Variants in HIPK2 observed in about 807,000 individuals in gnomAD.
HIPK2 encodes homeodomain interacting protein kinase 2, also known as homeodomain-interacting protein kinase 2.
In HIPK2, 27 loss-of-function variants were observed where a neutral mutation model predicts 113.7. The ratio of observed to expected loss-of-function variants is 0.24; its 90% confidence interval spans 0.17 to 0.33. HIPK2 has a LOEUF of 0.33. HIPK2 is among the 10% of genes least tolerant of loss of function. The pLI, the probability that HIPK2 is intolerant of heterozygous loss-of-function variation, is 1.00. For synonymous variants in HIPK2, 631 were observed against 642.2 expected, an observed-to-expected ratio of 0.98 and a Z score of 0.26; for missense variants, 1,257 against 1,588.0, an observed-to-expected ratio of 0.79 and a Z score of 3.54.
intron 1 of HIPK2, among the ~76,000 whole-genome samples, chr7:139,771,438 A>G (rs528273408): frequency 6.6e-6 from 1 of 152,168 alleles, no homozygotes; most frequent in African/African-American, 2.4e-5. Context: ...AGATACAAGT[A>G]CAAGAAAAAT....
chr7:139,579,325 T>G (rs1230400553), intron 13 of HIPK2, among the ~76,000 whole-genome samples: 1 of 152,212 alleles, frequency 6.6e-6, no homozygotes, highest in Non-Finnish European at 1.5e-5. Context: ...GGAGCATTCA[T>G]TTTGGGGCCT....
chr7:139,702,948 T>A (rs1272977799), intron 2 of HIPK2, among the ~76,000 whole-genome samples: 2 of 152,168 alleles, frequency 1.3e-5, no homozygotes, highest in Admixed American at 6.5e-5. Flanking sequence ...GCTTCCTCCA[T>A]CAGCAGCTGT....
intron 6 of HIPK2, 161 bp downstream of exon 6, chr7:139,626,440 T>C (rs1357160958): frequency 4.2e-6 from 1 of 240,580 alleles, no homozygotes; most frequent in South Asian, 1.5e-4. Flanking sequence ...GAATGCAGCC[T>C]CACTCATCTG....
chr7:139,574,353 G>A (rs1194558076), intron 14 of HIPK2, among the ~76,000 whole-genome samples: 2 of 152,162 alleles, frequency 1.3e-5, no homozygotes, highest in African/African-American at 4.8e-5. Flanking sequence ...TTGAGCCTGG[G>A]TGACAGAACA....
At chr7:139,586,920 C>A (rs1798850599) in intron 12 of HIPK2, among the ~76,000 whole-genome samples, 1 of 151,774 alleles carries the variant, frequency 6.6e-6, no homozygotes, top group Non-Finnish European at 1.5e-5. Flanking sequence ...TTAGAGGTTA[C>A]CAGAGGTTGG....
intron 12 of HIPK2, among the ~76,000 whole-genome samples, chr7:139,586,151 TG>T (rs1798826061): frequency 6.6e-6 from 1 of 152,236 alleles, no homozygotes; most frequent in South Asian, 2.1e-4. Flanking sequence ...ATGAATTGGT[TG>T]CATATATTTA....
At chr7:139,580,807 T>C (rs1798643417) in intron 13 of HIPK2, among the ~76,000 whole-genome samples, 2 of 152,250 alleles carry the variant, frequency 1.3e-5, no homozygotes, top group African/African-American at 2.4e-5. Context: ...AAGTGTAGAA[T>C]GCTTAGTATC....
At chr7:139,593,154 T>C (rs1160029612) in intron 12 of HIPK2, among the ~76,000 whole-genome samples, 1 of 152,256 alleles carries the variant, frequency 6.6e-6, no homozygotes, top group Non-Finnish European at 1.5e-5. Flanking sequence ...TTGCCAGTTA[T>C]TAAGTTTGAC....
intron 10 of HIPK2, among the ~76,000 whole-genome samples, chr7:139,601,875 T>C (rs949358749): frequency 2.0e-5 from 3 of 151,846 alleles, no homozygotes; most frequent in African/African-American, 7.3e-5. Context: ...AAGAAGTAGA[T>C]GAACACTTTT....
intron 1 of HIPK2, among the ~76,000 whole-genome samples, chr7:139,733,613 C>A (rs555799245): frequency 6.6e-6 from 1 of 152,040 alleles, no homozygotes; most frequent in African/African-American, 2.4e-5. Flanking sequence ...TATTGTTAAC[C>A]AAAAACACAA....
chr7:139,623,960 A>G (rs1465266322), intron 6 of HIPK2, among the ~76,000 whole-genome samples: 1 of 151,962 alleles, frequency 6.6e-6, no homozygotes, highest in African/African-American at 2.4e-5. Flanking sequence ...TTTACATCCC[A>G]AGTACCTCAG....
intron 2 of HIPK2, among the ~76,000 whole-genome samples, chr7:139,707,552 T>C (rs1794939062): frequency 6.6e-6 from 1 of 152,202 alleles, no homozygotes; most frequent in Admixed American, 6.5e-5. Context: ...TTCAGTTTAA[T>C]GAGAGATGTT....
In HIPK2 at chr7:139,716,397, A is replaced by G; in HGVS notation, c.638T>C (p.Val213Ala). Reference protein sequence around the residue: ...EFLGRGTFGQVVKCWKRGTNE... With the variant: ...EFLGRGTFGQAVKCWKRGTNE... ...GGTGCCCCGTTTCCAGCACTTGACC[A>G]CTTGCCCAAACGTCCCTCGGCCCAA... Residue 213 changes from valine (V) to alanine (A), a missense_variant, in exon 2 of 15, where the codon GTG (valine) becomes GCG (alanine). Transcript: ENST00000406875. This position sits in a 1 kb window ranked among gnomAD's most constrained non-coding sequence, Gnocchi z 9.3. 6.2e-7 allele frequency: 1 copy of G among 1,614,024 alleles called. No individual in the cohort carries two copies. Among genetic ancestry groups the G allele is most frequent in the Non-Finnish European group, 8.5e-7 (1 of 1,179,950 alleles).
At chr7:139,733,239 C>T (rs1264607169) in intron 1 of HIPK2, among the ~76,000 whole-genome samples, 1 of 152,094 alleles carries the variant, frequency 6.6e-6, no homozygotes, top group Non-Finnish European at 1.5e-5. Context: ...TATAAATTAC[C>T]CAGACTCAGG....
At chr7:139,633,848 G>C (rs1310243919) in intron 2 of HIPK2, among the ~76,000 whole-genome samples, 1 of 151,986 alleles carries the variant, frequency 6.6e-6, no homozygotes, top group Non-Finnish European at 1.5e-5. Flanking sequence ...AGGAGGCTGA[G>C]GCATGAGAAT....
chr7:139,704,207 A>C (rs2116870554), intron 2 of HIPK2, among the ~76,000 whole-genome samples: 2 of 115,662 alleles, frequency 1.7e-5, no homozygotes, highest in African/African-American at 3.4e-5. Flanking sequence ...CCCAACACAC[A>C]CACCACACCC....
intron 2 of HIPK2, among the ~76,000 whole-genome samples, chr7:139,647,955 C>T (rs891608887): frequency 2.6e-5 from 4 of 152,216 alleles, no homozygotes; most frequent in Admixed American, 1.3e-4. Context: ...TGTATTTAGG[C>T]TTGTCCTGGA....
intron 1 of HIPK2, among the ~76,000 whole-genome samples, chr7:139,746,705 C>T (rs1796196760): frequency 6.6e-6 from 1 of 152,188 alleles, no homozygotes; most frequent in African/African-American, 2.4e-5. Flanking sequence ...CAAACTAAAA[C>T]TCCTGCCCTC....
chr7:139,742,494 A>G (rs1796119688), intron 1 of HIPK2, among the ~76,000 whole-genome samples: 1 of 152,202 alleles, frequency 6.6e-6, no homozygotes, highest in African/African-American at 2.4e-5. Context: ...TTTATTTACC[A>G]AAGGGAAACT....
Sources: gnomAD v4.1 joint callset for allele counts (sites outside exome capture counted in the v4.1 genomes callset) on GRCh38, gnomAD v4.1.1 for gene constraint, Gnocchi (gnomAD v3.1) non-coding constraint, MANE v1.5 for transcripts, NCBI Gene and HGNC (gene_info 2026-07-23, HGNC 2026-07-21) for gene names.